The following DIAPH1 variants were observed in gnomAD, a reference collection of about 807,000 sequenced individuals.
The protein encoded by DIAPH1 is protein diaphanous homolog 1.
A neutral mutation model predicts 140.7 loss-of-function variants in DIAPH1; 46 were observed. The ratio of observed to expected loss-of-function variants is 0.33; its 90% CI spans 0.26 to 0.42. The LOEUF is 0.42. Ranked by LOEUF, DIAPH1 falls within the 10% of genes least tolerant of loss-of-function variation. DIAPH1 has a pLI of 1.00. For missense variants in DIAPH1, 1,310 were observed against 1,558.7 expected, an observed-to-expected ratio of 0.84 and a Z score of 2.69; for synonymous variants, 565 against 551.6, an observed-to-expected ratio of 1.02 and a Z score of -0.34.
At position 141,548,209 on chromosome 5, in the gene DIAPH1, A is replaced by C. The variant is rs137986292; in HGVS notation, c.2483-13776T>G. Among the ~76,000 whole-genome samples, 1,192 of 151,830 alleles carry C rather than the reference A, an allele frequency of 7.9e-3. 9 individuals are homozygous for C. Among genetic ancestry groups the C allele is most frequent in the African/African-American group, 0.015 (620 of 41,382 alleles). On this transcript the variant is annotated intron_variant, in intron 18 of 27. Transcript: ENST00000389054. ...GCAAGATCTTGTTTCAAAAAAAAAAACCTCAAAATAGCAGGGGGTGGAACA... is the reference window on the plus strand; with the variant it reads ...GCAAGATCTTGTTTCAAAAAAAAAACCCTCAAAATAGCAGGGGGTGGAACA...
intron 18 of DIAPH1, among the ~76,000 whole-genome samples, chr5:141,538,065 G>GTTT (rs769204262): frequency 7.5e-6 from 1 of 132,960 alleles, no homozygotes; most frequent in Non-Finnish European, 1.6e-5. Flanking sequence ...CTGTTTTTTT[G>GTTT]TTTTTTTTTT....
chr5:141,516,984 A>T lies in DIAPH1; in HGVS notation c.3686T>A (p.Val1229Asp), dbSNP rs766204786. Residue 1229 changes from valine to aspartate, a missense_variant, in exon 28 of 28, where the codon GTC (valine) becomes GAC (aspartate). Val to Asp is a radical substitution (Grantham distance 152). Transcript: ENST00000389054. ...RQANRKAGCA[V>D]TSLLASELTK... The stretch of plus-strand genomic sequence containing the variant: ...CAGCTCCGAAGCTAGCAGAGATGTG[A>T]CTGCACACCCGGCCTTCCTGTTGGC... The T allele has an allele frequency of 6.2e-6, 10 of 1,614,212 alleles. No individual in the cohort carries two copies. The South Asian group carries it at 1.1e-4, about 18-fold the overall frequency.
chr5:141,563,780 ACTAG>A (rs991692981), intron 18 of DIAPH1: 8 of 152,220 alleles, frequency 5.3e-5, no homozygotes, highest in Non-Finnish European at 1.0e-4. Flanking sequence ...TAAAAATGAG[ACTAG>A]CTGGGGATAA....
intron 1 of DIAPH1, among the ~76,000 whole-genome samples, chr5:141,613,004 C>T (rs967200489): frequency 2.6e-5 from 4 of 152,098 alleles, no homozygotes; most frequent in African/African-American, 9.7e-5. Flanking sequence ...GATGACACTA[C>T]TCACAAGACA....
intron 1 of DIAPH1, among the ~76,000 whole-genome samples, chr5:141,607,601 GT>G (rs1157463009): frequency 6.6e-6 from 1 of 152,144 alleles, no homozygotes; most frequent in Non-Finnish European, 1.5e-5. Flanking sequence ...CTTTCTGCAG[GT>G]TTTTATAGAA....
intron 3 of DIAPH1, among the ~76,000 whole-genome samples, chr5:141,585,455 C>G (rs2099897384): frequency 6.6e-6 from 1 of 152,100 alleles, no homozygotes; most frequent in Admixed American, 6.5e-5. Flanking sequence ...GTGGGAAACT[C>G]TACAGGTCAA....
At chr5:141,569,772 T>A (rs2099894880) in intron 18 of DIAPH1, among the ~76,000 whole-genome samples, 1 of 151,770 alleles carries the variant, frequency 6.6e-6, no homozygotes, top group African/African-American at 2.4e-5. Context: ...AAAATAAAAA[T>A]AAAAATAAAA....
rs1393763630 is a variant in DIAPH1 at position 141,571,992 on chromosome 5, C to T, written c.2407G>A (p.Glu803Lys). ...SQDCFWTKVK[E>K]DRFENNELFA... ...AGTTCATTGTTCTCAAAGCGGTCCT[C>T]CTTCACCTTTGTCCAGAAGCAGTCC... Residue 803 changes from glutamate to lysine, a missense_variant, in exon 17 of 28, where the codon GAG (glutamate) becomes AAG (lysine). Around this residue, in one of 3 missense-constraint regions of DIAPH1, gnomAD observed 589 missense variants for 549.3 expected, o/e 1.07. Transcript: ENST00000389054. 6.2e-7 allele frequency: 1 copy of T among 1,614,040 alleles called. No homozygotes were observed. Among genetic ancestry groups the T allele is most frequent in the Non-Finnish European group, 8.5e-7 (1 of 1,180,038 alleles).
chr5:141,587,504 G>T (rs2099897720), intron 2 of DIAPH1: 1 of 380,422 alleles, frequency 2.6e-6, no homozygotes, highest in Non-Finnish European at 4.9e-6. Context: ...TAGTAGTACG[G>T]AACTGAAAGC....
At chr5:141,564,336 C>A (rs950364194) in intron 18 of DIAPH1, 2 of 152,186 alleles carry the variant, frequency 1.3e-5, no homozygotes, top group Non-Finnish European at 2.9e-5. Flanking sequence ...CTCTCTCTAA[C>A]GTGATGACAT....
At chr5:141,587,251 C>T (rs574618870) in intron 2 of DIAPH1, 54 bp from the exon 3 acceptor site, 163 of 1,587,582 alleles carry the variant, frequency 1.0e-4, no homozygotes, top group Middle Eastern at 5.1e-4. Context: ...ACATAACAAG[C>T]CACACATCAA....
At chr5:141,579,027 G>T in intron 9 of DIAPH1, 61 bp downstream of exon 9, 2 of 1,249,998 alleles carry the variant, frequency 1.6e-6, no homozygotes, top group Non-Finnish European at 2.4e-6. Flanking sequence ...AAGGTCAAAT[G>T]AATTTAAGTC....
chr5:141,554,146 G>A (rs2099892182), intron 18 of DIAPH1, among the ~76,000 whole-genome samples: 1 of 152,024 alleles, frequency 6.6e-6, no homozygotes, highest in Non-Finnish European at 1.5e-5. Context: ...GCATGGTAGT[G>A]CATGCTTGTA....
In DIAPH1 at chr5:141,579,713, G is replaced by C. The variant is rs1440303266; in HGVS notation, c.825-517C>G. 3.9e-5 allele frequency among the ~76,000 whole-genome samples: 6 copies of C among 152,240 alleles called. No homozygotes were observed. In the East Asian group the frequency reaches 1.2e-3, roughly 29 times the overall value. ...GCTTGTAATCCTAGCACTTTGGGAG[G>C]CCGAGGCGGGCGGATCACAAGGTCA... On this transcript the variant is annotated intron_variant, in intron 8 of 27. Transcript: ENST00000389054.
intron 8 of DIAPH1, 100 bp downstream of exon 8, chr5:141,580,644 T>C (rs1183033983): frequency 8.3e-7 from 1 of 1,204,824 alleles, no homozygotes. Flanking sequence ...TTACCTAGTA[T>C]TTATGACCGA....
intron 18 of DIAPH1, among the ~76,000 whole-genome samples, chr5:141,570,984 G>T (rs1288217163): frequency 6.6e-6 from 1 of 152,152 alleles, no homozygotes; most frequent in East Asian, 1.9e-4. Flanking sequence ...AAGACTCCTG[G>T]TTCTGATCAC....
intron 1 of DIAPH1, among the ~76,000 whole-genome samples, chr5:141,617,636 G>A (rs896791336): frequency 6.6e-6 from 1 of 152,308 alleles, no homozygotes; most frequent in Admixed American, 6.5e-5. Context: ...ATACCTGGAA[G>A]AGAAGACAAA....
At chr5:141,560,436 A>G (rs2099893340) in intron 18 of DIAPH1, among the ~76,000 whole-genome samples, 1 of 152,216 alleles carries the variant, frequency 6.6e-6, no homozygotes. Flanking sequence ...TACTTGCTAT[A>G]AAATCTTAAC....
At chr5:141,601,735 T>C (rs1323147810) in intron 1 of DIAPH1, among the ~76,000 whole-genome samples, 3 of 152,238 alleles carry the variant, frequency 2.0e-5, no homozygotes, top group African/African-American at 7.2e-5. Flanking sequence ...ACTACAGGTT[T>C]AGGAGCATCA....
Sources: gnomAD v4.1 joint callset for allele counts (sites outside exome capture counted in the v4.1 genomes callset) on GRCh38, gnomAD v4.1.1 for gene constraint, gnomAD v4.1.1 regional missense constraint, MANE v1.5 for transcripts, NCBI Gene and HGNC (gene_info 2026-07-23, HGNC 2026-07-21) for gene names.